The following FSD1 variants were observed in gnomAD, a reference collection of about 807,000 sequenced individuals.
FSD1 encodes the protein fibronectin type III and SPRY domain containing 1.
Under a neutral mutation model 58.2 loss-of-function variants are expected in FSD1, and 23 were observed. The observed-to-expected ratio is 0.40, with a 90% CI of 0.28 to 0.56. FSD1 has a LOEUF of 0.56. FSD1 is among the 20% of genes least tolerant of loss of function. The pLI is 0.54. For synonymous variants in FSD1, 265 were observed against 263.4 expected, an observed-to-expected ratio of 1.01 and a Z score of -0.06; for missense variants, 563 against 670.8, an observed-to-expected ratio of 0.84 and a Z score of 1.78.
chr19:4,312,137 TG>T (rs1971700425), intron 7 of FSD1, 86 bp downstream of exon 7: 5 of 1,210,356 alleles, frequency 4.1e-6, no homozygotes, highest in Non-Finnish European at 5.8e-6. Flanking sequence ...CTGGGGGCCT[TG>T]GGGACGATCC....
Position 4,311,531 on chromosome 19 carries a change from A to G in FSD1, c.491-311A>G, listed in dbSNP as rs752900076. 3.0e-5 allele frequency: 9 copies of G among 296,038 alleles called. No homozygotes were observed. In the Admixed American group the frequency reaches 3.4e-4, roughly 11 times the overall value. The allele number at this position is 296,038 out of a possible 1,614,324, so 18.3% of individuals were successfully genotyped here. ...ACCCTGTCTCTACTAAAAATATAAAAAATTAGCCGGGCCATGGTGGCTCAC... is the reference window on the plus strand; with the variant it reads ...ACCCTGTCTCTACTAAAAATATAAAGAATTAGCCGGGCCATGGTGGCTCAC... On this transcript the variant is annotated intron_variant, in intron 6 of 12. Transcript: ENST00000221856.
intron 3 of FSD1, 128 bp from the exon 4 acceptor site, chr19:4,307,754 A>G: frequency 3.1e-6 from 2 of 640,672 alleles, no homozygotes; most frequent in East Asian, 3.0e-5. Context: ...TCAAGGCTCC[A>G]ATCTCCATCT....
At position 4,323,000 on chromosome 19, in the gene FSD1, G is replaced by C; in HGVS notation, c.1054G>C (p.Asp352His). 1.2e-6 allele frequency: 2 copies of C among 1,610,900 alleles called. No individual in the cohort carries two copies. Among genetic ancestry groups the C allele is most frequent in the Non-Finnish European group, 8.5e-7 (1 of 1,178,864 alleles). ...SYTVLGDTLIDGGEHYWEVRY... is the reference protein window; with the variant it reads ...SYTVLGDTLIHGGEHYWEVRY... ...CTGCGCCACAGGGGACACGCTGATCGACGGCGGGGAGCATTACTGGGAGGT... is the reference window on the plus strand; with the variant it reads ...CTGCGCCACAGGGGACACGCTGATCCACGGCGGGGAGCATTACTGGGAGGT... Residue 352 changes from aspartate to histidine, a missense_variant, in exon 11 of 13, where the codon GAC (aspartate) becomes CAC (histidine). By Grantham distance (81) the Asp-to-His change is moderately conservative. Coordinates refer to ENST00000221856, the MANE Select transcript of FSD1 (RefSeq NM_024333.3).
chr19:4,323,028 G>C lies in FSD1; in HGVS notation c.1082G>C (p.Arg361Pro). 1 of 1,611,806 alleles carries C rather than the reference G, an allele frequency of 6.2e-7. No individual in the cohort carries two copies. The highest frequency in any genetic ancestry group is 2.2e-5 in the East Asian group (1 of 44,852). Residue 361 changes from arginine (R) to proline (P), a missense_variant, in exon 11 of 13, where the codon CGC (arginine) becomes CCC (proline). Transcript: ENST00000221856. This position sits in a 1 kb window ranked among gnomAD's most constrained non-coding sequence, Gnocchi z 7.7. ...GGCGGGGAGCATTACTGGGAGGTGC[G>C]CTACGAGCCGGACAGCAAGGCGTTC... ...IDGGEHYWEVRYEPDSKAFGV... is the reference protein window; with the variant it reads ...IDGGEHYWEVPYEPDSKAFGV...
rs748832233 is a variant in FSD1 at position 4,317,278 on chromosome 19, C to T, written c.797C>T (p.Pro266Leu). 3.8e-6 allele frequency: 6 copies of T among 1,587,470 alleles called. No homozygotes were observed. In the South Asian group the frequency reaches 5.5e-5, roughly 15 times the overall value. ...EFSEPVTLET[P>L]AFMFRLDAST... Reference sequence around the variant, plus strand: ...TCTGAGCCGGTGACTCTGGAGACACCAGGTGACTGGATTCCACCCTTGTCC... The same window carrying T: ...TCTGAGCCGGTGACTCTGGAGACACTAGGTGACTGGATTCCACCCTTGTCC... The change falls in exon 8 of 13, where the codon CCA becomes CTA. Residue 266 changes from proline (P) to leucine (L), a missense_variant and splice_region_variant. By Grantham distance (98) the Pro-to-Leu change is moderately conservative. Coordinates refer to ENST00000221856, the MANE Select transcript of FSD1 (RefSeq NM_024333.3).
intron 1 of FSD1, among the ~76,000 whole-genome samples, chr19:4,304,990 C>T (rs1013090442): frequency 7.0e-6 from 1 of 142,192 alleles, no homozygotes; most frequent in African/African-American, 2.6e-5. Flanking sequence ...TACGCCCCCC[C>T]ACCCTGCCCA....
At chr19:4,308,377 C>T (rs1971648508) in intron 4 of FSD1, among the ~76,000 whole-genome samples, 4 of 152,020 alleles carry the variant, frequency 2.6e-5, no homozygotes, top group East Asian at 3.9e-4. Flanking sequence ...CACTGCATTC[C>T]AGACTGGGCA....
chr19:4,306,168 C>T (rs1233838972), intron 2 of FSD1, 30 bp from the exon 3 acceptor site: 1 of 1,613,652 alleles, frequency 6.2e-7, no homozygotes, highest in African/African-American at 1.3e-5. Flanking sequence ...TGAACACGGG[C>T]TTTGGCCGAT....
chr19:4,312,175 C>T (rs1971700824), intron 7 of FSD1, 124 bp downstream of exon 7: 1 of 841,544 alleles, frequency 1.2e-6, no homozygotes, highest in East Asian at 2.7e-5. Context: ...CTGGAAGCAG[C>T]CTGGGGAGGT....
chr19:4,318,048 G>A (rs1046244601), intron 8 of FSD1, among the ~76,000 whole-genome samples: 17 of 151,788 alleles, frequency 1.1e-4, no homozygotes, highest in African/African-American at 3.1e-4. Flanking sequence ...TCCTCCAGAC[G>A]TGGGAGGGAG....
chr19:4,318,914 A>G lies in FSD1; in HGVS notation c.1002A>G (p.Gly334=). 1 of 1,613,276 alleles carries G rather than the reference A, an allele frequency of 6.2e-7. No homozygotes were observed. The highest frequency in any genetic ancestry group is 8.5e-7 in the Non-Finnish European group (1 of 1,179,884). The part of the protein sequence containing the change: ...SPKRMPSGRG[G]RDRFTAESYT... ...AGAGGATGCCCTCAGGTCGTGGGGG[A>G]CGGGACCGCTTCACCGCTGAGTCCT... is the stretch of plus-strand genomic sequence containing the variant. The change falls in exon 10 of 13, where the codon GGA becomes GGG. Residue 334 remains glycine, a synonymous_variant. Transcript: ENST00000221856.
rs1038264264 is a variant in FSD1, at chr19:4,310,298, A to G, written c.368+3A>G. On this transcript the variant is annotated splice_donor_region_variant and intron_variant, in intron 5 of 12. Coordinates refer to ENST00000221856, the MANE Select transcript of FSD1 (RefSeq NM_024333.3). The stretch of plus-strand genomic sequence containing the variant: ...GCTGCCAAGCAAATCAAAGATGGGT[A>G]AGACACTGGGGTCTGGCCCCCACCC... 5 of 1,613,938 alleles carry G rather than the reference A, an allele frequency of 3.1e-6. No individual in the cohort carries two copies. In the South Asian group the frequency reaches 3.3e-5, roughly 11 times the overall value.
chr19:4,305,918 G>A (rs1384927354), intron 1 of FSD1, 28 bp from the exon 2 acceptor site: 4 of 1,541,014 alleles, frequency 2.6e-6, no homozygotes, highest in Admixed American at 1.7e-5. Context: ...GTGTGCACCT[G>A]TGTGTGTCCA....
intron 3 of FSD1, 61 bp from the exon 4 acceptor site, chr19:4,307,821 C>T: frequency 7.8e-7 from 1 of 1,285,602 alleles, no homozygotes; most frequent in African/African-American, 1.5e-5. Flanking sequence ...GGTGGGGAGC[C>T]CTCAGGGGGC....
At position 4,305,956 on chromosome 19, in the gene FSD1, G is replaced by A; in HGVS notation, c.26G>A (p.Arg9Lys). The A allele has an allele frequency of 6.2e-7, 1 of 1,613,842 alleles. No individual in the cohort carries two copies. The highest frequency in any genetic ancestry group is 1.7e-5 in the Admixed American group (1 of 60,022). Residue 9 changes from arginine (R) to lysine (K), a missense_variant, in exon 2 of 13, where the codon AGG (arginine) becomes AAG (lysine). Transcript: ENST00000221856. ...CTTCTGGTGGTGCAGGAGGCCCTGA[G>A]GAAGATCATCAAAACACTGGCTGTG... is the stretch of plus-strand genomic sequence containing the variant. Reference protein sequence around the residue: MEEQREALRKIIKTLAVKN... With the variant: MEEQREALKKIIKTLAVKN...
At chr19:4,320,481 T>A (rs1304676337) in intron 10 of FSD1, among the ~76,000 whole-genome samples, 1 of 151,880 alleles carries the variant, frequency 6.6e-6, no homozygotes, top group Non-Finnish European at 1.5e-5. Flanking sequence ...CTGAGGGGTA[T>A]TTGGACATGG....
At chr19:4,312,502 AAAT>A (rs202241926) in intron 7 of FSD1, among the ~76,000 whole-genome samples, 4,979 of 144,858 alleles carry the variant, frequency 0.034, 108 homozygotes, top group Middle Eastern at 0.12. Flanking sequence ...AAAAAACAAA[AAAT>A]AATAATAATG....
chr19:4,305,403 C>T (rs1971607451), intron 1 of FSD1, among the ~76,000 whole-genome samples: 1 of 151,962 alleles, frequency 6.6e-6, no homozygotes, highest in South Asian at 2.1e-4. Flanking sequence ...TTCCTTCCAC[C>T]GAGAACCCTT....
chr19:4,314,354 A>G (rs1971729434), intron 7 of FSD1, among the ~76,000 whole-genome samples: 1 of 152,134 alleles, frequency 6.6e-6, no homozygotes, highest in Non-Finnish European at 1.5e-5. Flanking sequence ...GTTTTCTTGT[A>G]ACTTTGTATT....
Sources: gnomAD v4.1 joint callset for allele counts (sites outside exome capture counted in the v4.1 genomes callset) on GRCh38, gnomAD v4.1.1 for gene constraint, Gnocchi (gnomAD v3.1) non-coding constraint, MANE v1.5 for transcripts, NCBI Gene and HGNC (gene_info 2026-07-23, HGNC 2026-07-21) for gene names.